SCMH1: variants seen among roughly 807,000 people sequenced by gnomAD.
The protein encoded by SCMH1 is polycomb protein SCMH1.
SCMH1 carries 37 observed loss-of-function variants against 70.8 expected under a neutral mutation model. That is an observed-to-expected ratio of 0.52 (90% CI 0.40 to 0.69). SCMH1 has a LOEUF of 0.69. Among genes scored for constraint, SCMH1 ranks in the 30% least tolerant of loss-of-function variants. The probability of loss-of-function intolerance (pLI) is 0.00; values close to 1 mark genes in which losing one functional copy is unlikely to be tolerated. For synonymous variants in SCMH1, 292 were observed against 307.4 expected, an observed-to-expected ratio of 0.95 and a Z score of 0.52; for missense variants, 607 against 827.3, an observed-to-expected ratio of 0.73 and a Z score of 3.27.
chr1:41,102,626 GAT>G (rs1237911066), intron 8 of SCMH1, among the ~76,000 whole-genome samples: 6 of 152,188 alleles, frequency 3.9e-5, no homozygotes, highest in Admixed American at 3.3e-4. Flanking sequence ...GGGGAAAACA[GAT>G]AACTAAAATC....
rs141357098 is a variant in SCMH1 at position 41,223,135 on chromosome 1, T to C, written c.-118+18924A>G. Among the ~76,000 whole-genome samples the C allele has an allele frequency of 1.6e-4, 24 of 152,318 alleles. 1 individual carries two copies. The East Asian group carries it at 4.2e-3, about 27-fold the overall frequency. On this transcript the variant is annotated intron_variant, in intron 1 of 14. Transcript: ENST00000337495. ...TTTTGAAATGGGCAAGAGAGATTACTGCATATTCTATCAATGGAATCTGGA... is the reference window on the plus strand; with the variant it reads ...TTTTGAAATGGGCAAGAGAGATTACCGCATATTCTATCAATGGAATCTGGA...
chr1:41,051,353 T>G (rs1648063947), intron 10 of SCMH1, among the ~76,000 whole-genome samples: 1 of 152,264 alleles, frequency 6.6e-6, no homozygotes, highest in South Asian at 2.1e-4. Context: ...ATGACTATGT[T>G]ACTGATTTGT....
intron 8 of SCMH1, among the ~76,000 whole-genome samples, chr1:41,081,682 T>C (rs775073702): frequency 1.3e-5 from 2 of 152,118 alleles, no homozygotes; most frequent in Admixed American, 6.6e-5. Context: ...TAGCTGGGCA[T>C]GGTGGTGCAC....
intron 1 of SCMH1, among the ~76,000 whole-genome samples, chr1:41,238,523 T>C (rs1377158412): frequency 1.3e-5 from 2 of 152,166 alleles, no homozygotes; most frequent in Non-Finnish European, 1.5e-5. Flanking sequence ...CACCTCCTCA[T>C]CTGTCATCTA....
chr1:41,228,559 C>T (rs931749372), intron 1 of SCMH1, among the ~76,000 whole-genome samples: 7 of 151,286 alleles, frequency 4.6e-5, no homozygotes, highest in African/African-American at 1.7e-4. Context: ...GAGGTGGGAG[C>T]ATCACTTAAG....
chr1:41,092,775 CTCA>C (rs1466224872), intron 8 of SCMH1, among the ~76,000 whole-genome samples: 1 of 152,124 alleles, frequency 6.6e-6, no homozygotes. Flanking sequence ...TGAAAAAATG[CTCA>C]TCATCACTGG....
chr1:41,027,875 C>A (rs942009128), exon 15 of SCMH1: 4 of 311,912 alleles, frequency 1.3e-5, no homozygotes, highest in Non-Finnish European at 2.4e-5. Context: ...GCCTTTTCCT[C>A]CATCACGTGG....
At chr1:41,117,293 T>C (rs1244598361) in intron 6 of SCMH1, among the ~76,000 whole-genome samples, 3 of 151,976 alleles carry the variant, frequency 2.0e-5, no homozygotes, top group African/African-American at 7.2e-5. Context: ...CATACAGAGA[T>C]AGGAGCTGAG....
exon 11 of SCMH1, chr1:41,048,803 G>C: frequency 6.2e-7 from 1 of 1,614,220 alleles, no homozygotes; most frequent in Non-Finnish European, 8.5e-7. Flanking sequence ...AGAGGCACGG[G>C]CTGGTCCAAA....
chr1:41,191,794 A>C (rs1474618629), intron 1 of SCMH1, among the ~76,000 whole-genome samples: 6 of 152,162 alleles, frequency 3.9e-5, no homozygotes, highest in Non-Finnish European at 8.8e-5. Flanking sequence ...CATAGCAATC[A>C]TACAGGGTTG....
chr1:41,034,142 C>T, intron 13 of SCMH1, 94 bp from the exon 14 acceptor site: 2 of 1,513,162 alleles, frequency 1.3e-6, no homozygotes, highest in East Asian at 2.5e-5. Context: ...ATGACTGACT[C>T]AAGTCTCAAA....
At chr1:41,100,406 G>C (rs954866167) in intron 8 of SCMH1, among the ~76,000 whole-genome samples, 3 of 152,010 alleles carry the variant, frequency 2.0e-5, no homozygotes, top group African/African-American at 7.3e-5. Flanking sequence ...CCCTCATCTA[G>C]CATGGCCATT....
intron 1 of SCMH1, among the ~76,000 whole-genome samples, chr1:41,188,187 T>C (rs938696588): frequency 2.0e-5 from 3 of 152,164 alleles, no homozygotes; most frequent in African/African-American, 7.2e-5. Flanking sequence ...CTAGAAAATA[T>C]ATCCTCTTCA....
At chr1:41,040,408 G>A (rs568325373) in intron 12 of SCMH1, among the ~76,000 whole-genome samples, 6 of 152,126 alleles carry the variant, frequency 3.9e-5, no homozygotes, top group Non-Finnish European at 8.8e-5. Flanking sequence ...ATGGCAAAGG[G>A]GAAAGGCAAC....
intron 4 of SCMH1, among the ~76,000 whole-genome samples, chr1:41,159,189 T>C (rs923633530): frequency 3.3e-5 from 5 of 152,180 alleles, no homozygotes; most frequent in African/African-American, 1.2e-4. Context: ...ATGGTAAAAA[T>C]GAAATATGCA....
At chr1:41,167,757 C>T (rs1352716295) in intron 2 of SCMH1, among the ~76,000 whole-genome samples, 2 of 152,094 alleles carry the variant, frequency 1.3e-5, no homozygotes, top group African/African-American at 2.4e-5. Context: ...TTTCACGTTG[C>T]TGATTAACGT....
chr1:41,174,241 C>G (rs920765479), intron 2 of SCMH1, among the ~76,000 whole-genome samples: 5 of 148,650 alleles, frequency 3.4e-5, no homozygotes, highest in African/African-American at 4.9e-5. Flanking sequence ...TAATAACAGA[C>G]AAAACCAAAA....
chr1:41,152,917 A>G (rs1645192610), intron 4 of SCMH1, among the ~76,000 whole-genome samples: 1 of 152,254 alleles, frequency 6.6e-6, no homozygotes, highest in African/African-American at 2.4e-5. Context: ...GAACTATTTC[A>G]TGAACTAGCT....
chr1:41,154,821 A>G (rs992326175), intron 4 of SCMH1, among the ~76,000 whole-genome samples: 5 of 152,250 alleles, frequency 3.3e-5, no homozygotes, highest in African/African-American at 1.2e-4. Flanking sequence ...AAATATTCAA[A>G]CAGTATAATT....
Sources: gnomAD v4.1 joint callset for allele counts (sites outside exome capture counted in the v4.1 genomes callset) on GRCh38, gnomAD v4.1.1 for gene constraint, MANE v1.5 for transcripts, NCBI Gene and HGNC (gene_info 2026-07-23, HGNC 2026-07-21) for gene names.